The following TP53BP1 variants were observed in gnomAD, a reference collection of about 807,000 sequenced individuals.
TP53BP1 encodes the protein tumor protein p53 binding protein 1, also known as TP53-binding protein 1.
A neutral mutation model predicts 200.8 loss-of-function variants in TP53BP1; 61 were observed. The observed-to-expected ratio is 0.30, with a 90% CI of 0.25 to 0.38. TP53BP1 has a LOEUF of 0.38. Ranked by LOEUF, TP53BP1 falls within the 10% of genes least tolerant of loss-of-function variation. The pLI is 1.00. For synonymous variants in TP53BP1, 822 were observed against 844.3 expected, an observed-to-expected ratio of 0.97 and a Z score of 0.46; for missense variants, 2,144 against 2,371.9, an observed-to-expected ratio of 0.90 and a Z score of 2.00.
chr15:43,506,104 T>C (rs1404581474), intron 1 of TP53BP1, among the ~76,000 whole-genome samples: 1 of 152,218 alleles, frequency 6.6e-6, no homozygotes, highest in East Asian at 1.9e-4. Context: ...GCCCAGCATC[T>C]TTTCTTTATG....
intron 21 of TP53BP1, among the ~76,000 whole-genome samples, chr15:43,419,368 A>AT (rs914416669): frequency 6.7e-6 from 1 of 150,246 alleles, no homozygotes; most frequent in Non-Finnish European, 1.5e-5. Context: ...TCTGTGGCAT[A>AT]TTTTTTTTTA....
In TP53BP1 at chr15:43,492,477, G is replaced by T. The variant is rs771247076; in HGVS notation, c.8-9C>A. On this transcript the variant is annotated splice_polypyrimidine_tract_variant and intron_variant, in intron 1 of 27. Transcript: ENST00000382044. ...AGGGTCCATCTGCTCCCCTGGAATG[G>T]AATAACAAAAGATCAGTTCCGTGTA... The T allele has an allele frequency of 6.2e-7, 1 of 1,611,056 alleles. No individual in the cohort carries two copies. Among genetic ancestry groups the T allele is most frequent in the Non-Finnish European group, 8.5e-7 (1 of 1,178,120 alleles).
At chr15:43,505,831 G>A (rs1479841966) in intron 1 of TP53BP1, among the ~76,000 whole-genome samples, 1 of 152,158 alleles carries the variant, frequency 6.6e-6, no homozygotes, top group African/African-American at 2.4e-5. Flanking sequence ...ATGGCTGCTG[G>A]TATGCATTAT....
chr15:43,413,965 C>T (rs1260467313), intron 23 of TP53BP1: 3 of 368,580 alleles, frequency 8.1e-6, no homozygotes, highest in Non-Finnish European at 1.7e-5. Context: ...GTTTTCAACA[C>T]CTGGGTAAGT....
rs1374057431 is a variant in TP53BP1 at position 43,479,759 on chromosome 15, A to G, written c.658+100T>C. ...AACCTTACTAAATTACTTAGATTAT[A>G]TTAATTTGGATAGCTGCAAAACTTA... is the stretch of plus-strand genomic sequence containing the variant. On this transcript the variant is annotated intron_variant, in intron 6 of 27. Transcript: ENST00000382044. The G allele has an allele frequency of 2.8e-6, 4 of 1,414,810 alleles. No individual in the cohort carries two copies. In the East Asian group the frequency reaches 9.2e-5, roughly 33 times the overall value. The allele number at this position is 1,414,810 out of a possible 1,614,324, so 87.6% of individuals were successfully genotyped here.
Position 43,407,993 on chromosome 15 carries a change from G to C in TP53BP1, c.5696C>G (p.Thr1899Ser), listed in dbSNP as rs199724544. ...CTGCTTCACAGAGGCTGCACCACCA[G>C]TCATGAGGATCTCAGACCAGAGCTC... ...FLELWSEILMTGGAASVKQHH... is the reference protein window; with the variant it reads ...FLELWSEILMSGGAASVKQHH... The change falls in exon 27 of 28, where the codon ACT (threonine) becomes AGT (serine). Residue 1899 changes from threonine to serine, a missense_variant. By Grantham distance (58) the Thr-to-Ser change is moderately conservative. Transcript: ENST00000382044. The C allele has an allele frequency of 4.0e-5, 64 of 1,614,032 alleles. No individual in the cohort carries two copies. The East Asian group carries it at 1.2e-3, about 31-fold the overall frequency.
chr15:43,408,784 T>C, intron 26 of TP53BP1, 113 bp downstream of exon 26: 1 of 1,050,850 alleles, frequency 9.5e-7, no homozygotes, highest in Non-Finnish European at 1.4e-6. Flanking sequence ...CTCAAATTTA[T>C]CCCACAGACA....
chr15:43,485,585 A>AAAAAAAAAAAG (rs2079036012), intron 4 of TP53BP1, among the ~76,000 whole-genome samples: 1 of 149,074 alleles, frequency 6.7e-6, no homozygotes, highest in Non-Finnish European at 1.5e-5. Flanking sequence ...TCAAAAAAAA[A>AAAAAAAAAAAG]AAAAGAAAGT....
rs763431637 is a variant in TP53BP1, at chr15:43,416,426, G to A, written c.4682-10C>T. On this transcript the variant is annotated splice_polypyrimidine_tract_variant and intron_variant, in intron 21 of 27. Coordinates refer to ENST00000382044, the MANE Select transcript of TP53BP1 (RefSeq NM_001141980.3). ...TGTCCTTTCACCACTCCTGGGGGGT[G>A]GAAAGCATAAAAGAAGCTTGCTGTT... 4 of 1,612,108 alleles carry A rather than the reference G, an allele frequency of 2.5e-6. No homozygotes were observed. Among genetic ancestry groups the A allele is most frequent in the East Asian group, 4.5e-5 (2 of 44,862 alleles).
In TP53BP1 at chr15:43,420,646, C is replaced by T. The variant is rs2230449; in HGVS notation, c.4340G>A (p.Arg1447Gln). 179 of 1,614,042 alleles carry T rather than the reference C, an allele frequency of 1.1e-4. 1 individual carries two copies. The African/African-American group carries it at 1.6e-3, about 15-fold the overall frequency. ...DDKSFSRVVP[R>Q]VPDSTRRTDV... is the part of the protein sequence containing the mutation. ...TGTTCGTCTGGTGGAGTCTGGCACT[C>T]GGGGCACGACACGGCTGAAGGATTT... Residue 1447 changes from arginine (R) to glutamine (Q), a missense_variant, in exon 21 of 28, where the codon CGA becomes CAA. Transcript: ENST00000382044.
intron 18 of TP53BP1, among the ~76,000 whole-genome samples, chr15:43,424,084 T>C (rs931743446): frequency 2.0e-5 from 3 of 152,196 alleles, no homozygotes; most frequent in African/African-American, 7.2e-5. Flanking sequence ...TCTGTGATCT[T>C]CCCTCCATTT....
intron 17 of TP53BP1, among the ~76,000 whole-genome samples, chr15:43,429,971 C>A (rs2045633307): frequency 6.6e-6 from 1 of 152,176 alleles, no homozygotes; most frequent in Non-Finnish European, 1.5e-5. Context: ...CCAGTTACAA[C>A]AGCCATATGA....
intron 12 of TP53BP1, 27 bp downstream of exon 12, chr15:43,455,865 A>C: frequency 6.2e-7 from 1 of 1,608,748 alleles, no homozygotes; most frequent in Non-Finnish European, 8.5e-7. Context: ...TTAGGTGGAG[A>C]CAAGAATAAT....
At chr15:43,447,324 C>T (rs1237900132) in intron 13 of TP53BP1, 42 bp downstream of exon 13, 1 of 1,576,530 alleles carries the variant, frequency 6.3e-7, no homozygotes. Context: ...AATGATATCT[C>T]AGAAATTCTG....
chr15:43,483,745 A>T (rs1054955075), intron 4 of TP53BP1, among the ~76,000 whole-genome samples: 2 of 152,246 alleles, frequency 1.3e-5, no homozygotes, highest in African/African-American at 4.8e-5. Flanking sequence ...AGGGAAAGAA[A>T]GTTCAAGAGC....
intron 4 of TP53BP1, among the ~76,000 whole-genome samples, chr15:43,486,023 C>T (rs936405544): frequency 8.6e-5 from 13 of 151,828 alleles, no homozygotes; most frequent in African/African-American, 2.7e-4. Context: ...GAAGTGTAAA[C>T]GGAGCCAGAA....
chr15:43,506,141 T>C (rs749814667), intron 1 of TP53BP1, among the ~76,000 whole-genome samples: 8 of 152,212 alleles, frequency 5.3e-5, no homozygotes, highest in Non-Finnish European at 1.0e-4. Context: ...TTAAATCTTA[T>C]GGAGACTTTA....
At chr15:43,463,659 A>T (rs1013521619) in intron 11 of TP53BP1, among the ~76,000 whole-genome samples, 5 of 152,314 alleles carry the variant, frequency 3.3e-5, no homozygotes, top group Middle Eastern at 6.8e-3. Context: ...TGGAAAAGGT[A>T]ATCTATTTAG....
rs368708428 is a variant in TP53BP1 at position 43,407,567 on chromosome 15, A to G, written c.5750T>C (p.Ile1917Thr). 1.5e-5 allele frequency: 24 copies of G among 1,610,100 alleles called. No individual in the cohort carries two copies. The highest frequency in any genetic ancestry group is 2.7e-5 in the African/African-American group (2 of 74,834). ...QHHSSAHNKD[I>T]ALGVFDVVVT... ...CACCACATCAAATACCCCTAAAGCA[A>G]TATCTGCAAGGAGCAAGGGAAAGTG... Residue 1917 changes from isoleucine to threonine, a missense_variant, in exon 28 of 28, where the codon ATT becomes ACT. This residue lies in a region of TP53BP1 where 334 missense variants were observed against 453.4 expected (regional missense o/e 0.74). Coordinates refer to ENST00000382044, the MANE Select transcript of TP53BP1 (RefSeq NM_001141980.3).
Sources: allele counts gnomAD v4.1 joint callset (sites outside exome capture counted in the v4.1 genomes callset), GRCh38; gene constraint gnomAD v4.1.1; regional missense constraint gnomAD v4.1.1; transcripts MANE v1.5; gene names NCBI Gene and HGNC (gene_info 2026-07-23, HGNC 2026-07-21).